Variants in MTOR observed in about 807,000 individuals in gnomAD.
MTOR encodes mechanistic target of rapamycin kinase, also known as serine/threonine-protein kinase mTOR.
In MTOR, 70 loss-of-function variants were observed where a neutral mutation model predicts 319.8. The observed-to-expected ratio is 0.22, with a 90% CI of 0.18 to 0.27. The LOEUF (loss-of-function observed/expected upper bound fraction) is 0.27. Ranked by LOEUF, MTOR falls within the 10% of genes least tolerant of loss-of-function variation. The probability of loss-of-function intolerance (pLI) is 1.00; values close to 1 mark genes in which losing one functional copy is unlikely to be tolerated. For missense variants in MTOR, 1,890 were observed against 3,274.4 expected (o/e 0.58, Z 10.32); for synonymous variants, 1,183 against 1,211.4 (o/e 0.98, Z 0.49).
chr1:11,241,465 A>C, intron 10 of MTOR, 88 bp downstream of exon 10: 1 of 1,473,120 alleles, frequency 6.8e-7, no homozygotes. Context: ...GAATGTGCAA[A>C]CAACCATGCC....
chr1:11,168,180 G>A (rs1030141390), intron 28 of MTOR, among the ~76,000 whole-genome samples: 2 of 150,958 alleles, frequency 1.3e-5, no homozygotes, highest in Admixed American at 1.3e-4. Flanking sequence ...TATCCCTGTT[G>A]TAGTACACAA....
intron 28 of MTOR, among the ~76,000 whole-genome samples, chr1:11,172,135 G>A (rs1644834730): frequency 6.6e-6 from 1 of 150,906 alleles, no homozygotes; most frequent in Non-Finnish European, 1.5e-5. Flanking sequence ...GAGCTCAGTG[G>A]GCAGGAAAGA....
chr1:11,212,839 C>T lies in MTOR; in HGVS notation c.3355G>A (p.Val1119Ile). ...DYLHLLLPPI[V>I]KLFDAPEAPL... ...GCTTCAGGGGCATCAAACAACTTAACAATAGGAGGCAGCAGTAAATGCAGG... is the reference window on the plus strand; with the variant it reads ...GCTTCAGGGGCATCAAACAACTTAATAATAGGAGGCAGCAGTAAATGCAGG... The change falls in exon 22 of 58, where the codon GTT (valine) becomes ATT (isoleucine). Residue 1119 changes from valine to isoleucine, a missense_variant. Coordinates refer to ENST00000361445, the MANE Select transcript of MTOR (RefSeq NM_004958.4). The surrounding 1 kb of genome is among the most constrained non-coding windows in gnomAD (Gnocchi z 4.1). 2 of 1,614,110 alleles carry T rather than the reference C, an allele frequency of 1.2e-6. No homozygotes were observed. Among genetic ancestry groups the T allele is most frequent in the Non-Finnish European group, 1.7e-6 (2 of 1,180,000 alleles).
chr1:11,121,350 G>A lies in MTOR; in HGVS notation c.6829C>T (p.His2277Tyr), dbSNP rs1642514134. The change falls in exon 49 of 58, where the codon CAC (histidine) becomes TAC (tyrosine). Residue 2277 changes from histidine to tyrosine, a missense_variant. Transcript: ENST00000361445. This position sits in a 1 kb window ranked among gnomAD's most constrained non-coding sequence, Gnocchi z 4.9. ...TCCACCTTCTGCATCAGAGTCAAGT[G>A]GTCATAGTCCGGAGCCATCTGCATC... Reference protein sequence around the residue: ...IMLRMAPDYDHLTLMQKVEVF... With the variant: ...IMLRMAPDYDYLTLMQKVEVF... 6.2e-7 allele frequency: 1 copy of A among 1,614,130 alleles called. No homozygotes were observed. Among genetic ancestry groups the A allele is most frequent in the Non-Finnish European group, 8.5e-7 (1 of 1,180,036 alleles).
intron 19 of MTOR, among the ~76,000 whole-genome samples, chr1:11,221,602 A>G (rs1279092284): frequency 6.6e-6 from 1 of 151,440 alleles, no homozygotes; most frequent in Non-Finnish European, 1.5e-5. Flanking sequence ...GAAAGCAAGA[A>G]AGTCTACCGG....
chr1:11,225,877 C>T (rs2100841870), intron 19 of MTOR, among the ~76,000 whole-genome samples: 1 of 152,148 alleles, frequency 6.6e-6, no homozygotes, highest in Admixed American at 6.5e-5. Flanking sequence ...ATCACTTAGA[C>T]AAAATGAACA....
At chr1:11,224,210 A>G (rs994970253) in intron 19 of MTOR, among the ~76,000 whole-genome samples, 4 of 152,100 alleles carry the variant, frequency 2.6e-5, no homozygotes, top group Non-Finnish European at 5.9e-5. Context: ...AGCATCCAAA[A>G]CAAAAAGTCA....
At chr1:11,236,224 C>G (rs1339817988) in intron 13 of MTOR, among the ~76,000 whole-genome samples, 1 of 149,858 alleles carries the variant, frequency 6.7e-6, no homozygotes, top group Non-Finnish European at 1.5e-5. Flanking sequence ...GCATCCACAA[C>G]TTACCAGGCT....
chr1:11,107,562 G>T, intron 57 of MTOR, 62 bp from the exon 58 acceptor site: 2 of 1,574,936 alleles, frequency 1.3e-6, no homozygotes, highest in East Asian at 2.2e-5. Context: ...GGTTTACACA[G>T]ATAACTTGAA....
At chr1:11,207,976 A>G (rs944586410) in intron 25 of MTOR, among the ~76,000 whole-genome samples, 11 of 152,186 alleles carry the variant, frequency 7.2e-5, no homozygotes, top group African/African-American at 2.7e-4. Flanking sequence ...TCCTGGAAGC[A>G]AACTAGATTA....
rs112041289 is a variant in MTOR, at chr1:11,129,854, C to T, written c.5614-16G>A. ...TGGACAGATCCTGTTGGAACACACA[C>T]GTGTTAGCGACACTCTTGCCTCTGC... is the stretch of plus-strand genomic sequence containing the variant. On this transcript the variant is annotated splice_polypyrimidine_tract_variant and intron_variant, in intron 39 of 57. Coordinates refer to ENST00000361445, the MANE Select transcript of MTOR (RefSeq NM_004958.4). The surrounding 1 kb of genome is among the most constrained non-coding windows in gnomAD (Gnocchi z 4.7). The T allele has an allele frequency of 1.1e-3, 1,774 of 1,608,112 alleles. 10 individuals are homozygous for T. In the African/African-American group the frequency reaches 0.015, roughly 14 times the overall value.
At chr1:11,135,183 TACAAG>T (rs1643344024) in intron 36 of MTOR, among the ~76,000 whole-genome samples, 1 of 152,104 alleles carries the variant, frequency 6.6e-6, no homozygotes, top group Admixed American at 6.5e-5. Context: ...GGGACTACTG[TACAAG>T]CCCGCCACAT....
Position 11,180,524 on chromosome 1 carries a change from C to T in MTOR, c.4254-13007G>A, listed in dbSNP as rs373174279. 1.1e-4 allele frequency among the ~76,000 whole-genome samples: 16 copies of T among 152,266 alleles called. 1 individual carries two copies. In the East Asian group the frequency reaches 1.7e-3, roughly 17 times the overall value. On this transcript the variant is annotated intron_variant, in intron 28 of 57. Coordinates refer to ENST00000361445, the MANE Select transcript of MTOR (RefSeq NM_004958.4). ...TAACATTCTTAAAGAATGACCAGGC[C>T]TGTTTTCCAGTTTGTGGTGCCTAAG...
rs752790582 is a variant in MTOR at position 11,127,162 on chromosome 1, C to A, written c.6217-18G>T. The A allele has an allele frequency of 1.2e-6, 2 of 1,613,170 alleles. No homozygotes were observed. The highest frequency in any genetic ancestry group is 1.3e-5 in the African/African-American group (1 of 75,002). ...CCATAGGCCTGAGAGAGAAAGCAGG[C>A]ACGTTTTCAAGTTATCAAAGTCTCA... is the stretch of plus-strand genomic sequence containing the variant. On this transcript the variant is annotated intron_variant, in intron 44 of 57. Transcript: ENST00000361445. The surrounding 1 kb of genome is among the most constrained non-coding windows in gnomAD (Gnocchi z 5.5).
intron 28 of MTOR, among the ~76,000 whole-genome samples, chr1:11,184,782 CT>C (rs1333874156): frequency 1.3e-5 from 2 of 152,164 alleles, no homozygotes; most frequent in Non-Finnish European, 2.9e-5. Context: ...ACCAAGGCCA[CT>C]TTCCTGGTGG....
chr1:11,221,690 G>A (rs1344974434), intron 19 of MTOR, among the ~76,000 whole-genome samples: 1 of 146,952 alleles, frequency 6.8e-6, no homozygotes, highest in Non-Finnish European at 1.5e-5. Context: ...GCAATGAACA[G>A]AAATATTATA....
In MTOR at chr1:11,247,945, C is replaced by G; in HGVS notation, c.990G>C (p.Leu330Phe). 1 of 1,614,158 alleles carries G rather than the reference C, an allele frequency of 6.2e-7. No homozygotes were observed. Among genetic ancestry groups the G allele is most frequent in the African/African-American group, 1.3e-5 (1 of 75,042 alleles). Reference protein sequence around the residue: ...QAVQPQQSNALVGLLGYSSHQ... With the variant: ...QAVQPQQSNAFVGLLGYSSHQ... ...GAGAGCTGTACCCCAGCAGCCCCAC[C>G]AAGGCATTTGACTGCTGGGGCTGTA... The change falls in exon 7 of 58, where the codon TTG (leucine) becomes TTC (phenylalanine). Residue 330 changes from leucine (L) to phenylalanine (F), a missense_variant. This residue lies in a region of MTOR where 418 missense variants were observed against 543.1 expected (regional missense o/e 0.77). Coordinates refer to ENST00000361445, the MANE Select transcript of MTOR (RefSeq NM_004958.4).
chr1:11,197,619 G>A (rs1481531025), intron 28 of MTOR, among the ~76,000 whole-genome samples: 2 of 152,202 alleles, frequency 1.3e-5, no homozygotes, highest in Admixed American at 6.5e-5. Flanking sequence ...TTGGCTCATT[G>A]CAACCTCCAC....
intron 8 of MTOR, among the ~76,000 whole-genome samples, chr1:11,244,914 G>A (rs947190063): frequency 3.9e-5 from 6 of 152,138 alleles, no homozygotes; most frequent in African/African-American, 1.4e-4. Context: ...CTGGGTTTAT[G>A]TAAATACATT....
Sources: allele counts gnomAD v4.1 joint callset (sites outside exome capture counted in the v4.1 genomes callset), GRCh38; gene constraint gnomAD v4.1.1; regional missense constraint gnomAD v4.1.1; non-coding constraint Gnocchi (gnomAD v3.1); transcripts MANE v1.5; gene names NCBI Gene and HGNC (gene_info 2026-07-23, HGNC 2026-07-21).